The following ABTB3 variants were observed in gnomAD, a reference collection of about 807,000 sequenced individuals.
ABTB3 encodes the protein ankyrin repeat- and BTB/POZ domain-containing protein 3.
the ABTB3 span, among the ~76,000 whole-genome samples, chr12:107,452,074 CT>C: frequency 5.3e-5 from 8 of 152,116 alleles, no homozygotes; most frequent in Non-Finnish European, 1.2e-4. Flanking sequence ...AAACTGTGAG[CT>C]TGTTCATTCA....
the ABTB3 span, among the ~76,000 whole-genome samples, chr12:107,521,263 T>TTGTGTGTGTGTG: frequency 5.5e-4 from 79 of 142,964 alleles, no homozygotes; most frequent in African/African-American, 8.5e-4. Flanking sequence ...TTCATATAAG[T>TTGTGTGTGTGTG]TGTGTGTGTG....
At chr12:107,466,498 C>T in the ABTB3 span, among the ~76,000 whole-genome samples, 1 of 151,716 alleles carries the variant, frequency 6.6e-6, no homozygotes, top group Admixed American at 6.6e-5. Context: ...CAGGTGTTCT[C>T]ACATGTGCTT....
chr12:107,581,322 C>A, the ABTB3 span: 1 of 1,289,142 alleles, frequency 7.8e-7, no homozygotes, highest in East Asian at 3.5e-5. Flanking sequence ...CGGGGGCGGG[C>A]GGGGGGCGGC....
At chr12:107,618,755 C>T in the ABTB3 span, among the ~76,000 whole-genome samples, 21 of 152,314 alleles carry the variant, frequency 1.4e-4, no homozygotes, top group Non-Finnish European at 2.6e-4. Flanking sequence ...TGGATAAAGG[C>T]TGGAAATCTT....
chr12:107,373,394 A>G, the ABTB3 span, among the ~76,000 whole-genome samples: 1 of 151,968 alleles, frequency 6.6e-6, no homozygotes, highest in Non-Finnish European at 1.5e-5. Context: ...GCTTGAACCC[A>G]CTTCCTGGGC....
the ABTB3 span, chr12:107,651,761 T>C: frequency 6.2e-7 from 1 of 1,613,962 alleles, no homozygotes. Context: ...TACCGACAAC[T>C]GTGTGGATAT....
At chr12:107,429,309 C>T in the ABTB3 span, among the ~76,000 whole-genome samples, 24 of 152,206 alleles carry the variant, frequency 1.6e-4, no homozygotes, top group Non-Finnish European at 2.2e-4. Flanking sequence ...AGGTAGCCCA[C>T]TATATCTTTT....
At chr12:107,609,101 C>T in the ABTB3 span, among the ~76,000 whole-genome samples, 20,599 of 152,144 alleles carry the variant, frequency 0.14, 1,560 homozygotes, top group East Asian at 0.29. Flanking sequence ...ACTCCTGCAG[C>T]GCCTGTGTTC....
the ABTB3 span, among the ~76,000 whole-genome samples, chr12:107,464,672 G>A: frequency 1.3e-5 from 2 of 152,290 alleles, no homozygotes; most frequent in East Asian, 3.9e-4. Context: ...GTTATCCAGG[G>A]AAAGAGCACT....
At chr12:107,604,849 A>G in the ABTB3 span, among the ~76,000 whole-genome samples, 1 of 152,246 alleles carries the variant, frequency 6.6e-6, no homozygotes, top group African/African-American at 2.4e-5. Context: ...CAATTGCCAA[A>G]ATATGGAATC....
the ABTB3 span, among the ~76,000 whole-genome samples, chr12:107,480,280 CA>C: frequency 1.3e-3 from 183 of 143,388 alleles, 1 homozygote; most frequent in East Asian, 0.016. Flanking sequence ...TTGCATGACC[CA>C]AAAAAAAAAA....
chr12:107,399,275 A>G, the ABTB3 span, among the ~76,000 whole-genome samples: 2 of 152,178 alleles, frequency 1.3e-5, no homozygotes, highest in African/African-American at 4.8e-5. Context: ...TTTTTTGAAG[A>G]TATTTAAGTA....
At chr12:107,526,626 T>C in the ABTB3 span, among the ~76,000 whole-genome samples, 13 of 152,174 alleles carry the variant, frequency 8.5e-5, no homozygotes, top group African/African-American at 3.1e-4. Context: ...GTTTGCTTTC[T>C]GTTGTTTAAA....
the ABTB3 span, among the ~76,000 whole-genome samples, chr12:107,338,430 G>T: frequency 6.6e-6 from 1 of 152,186 alleles, no homozygotes; most frequent in Non-Finnish European, 1.5e-5. Flanking sequence ...AGGGTGGGAA[G>T]GGTGAAGTAT....
the ABTB3 span, among the ~76,000 whole-genome samples, chr12:107,425,168 A>G: frequency 1.3e-5 from 2 of 152,090 alleles, no homozygotes; most frequent in African/African-American, 2.4e-5. Context: ...TGCCATGCTG[A>G]CCTCATGGTT....
the ABTB3 span, among the ~76,000 whole-genome samples, chr12:107,592,307 G>A: frequency 1.3e-5 from 2 of 152,162 alleles, no homozygotes; most frequent in Non-Finnish European, 2.9e-5. Context: ...GTAGAATAGT[G>A]AAAACTCTTA....
chr12:107,554,315 C>T, the ABTB3 span, among the ~76,000 whole-genome samples: 1 of 151,894 alleles, frequency 6.6e-6, no homozygotes, highest in South Asian at 2.1e-4. Context: ...TATTTCAATA[C>T]ATGTATACAT....
chr12:107,446,504 AG>A, the ABTB3 span, among the ~76,000 whole-genome samples: 1 of 152,148 alleles, frequency 6.6e-6, no homozygotes, highest in African/African-American at 2.4e-5. Flanking sequence ...GAAGTCAAAC[AG>A]CAACACACTT....
At chr12:107,373,072 C>T in the ABTB3 span, among the ~76,000 whole-genome samples, 1 of 152,142 alleles carries the variant, frequency 6.6e-6, no homozygotes, top group Non-Finnish European at 1.5e-5. Flanking sequence ...AAGAATGCCT[C>T]CAGACATTGC....
Sources: allele counts gnomAD v4.1 joint callset (sites outside exome capture counted in the v4.1 genomes callset), GRCh38; gene constraint gnomAD v4.1.1; transcripts MANE v1.5; gene names NCBI Gene and HGNC (gene_info 2026-07-23, HGNC 2026-07-21).